The following ARHGAP10 variants were observed in gnomAD, a reference collection of about 807,000 sequenced individuals.
ARHGAP10 encodes the protein Rho GTPase activating protein 10, also known as rho GTPase-activating protein 10.
In ARHGAP10, 87 loss-of-function variants were observed where a neutral mutation model predicts 108.6. The ratio of observed to expected loss-of-function variants is 0.80; its 90% CI spans 0.67 to 0.96. The LOEUF (loss-of-function observed/expected upper bound fraction) is 0.96, where lower values mean the gene tolerates loss of function less well. ARHGAP10 is among the 40% of genes least tolerant of loss of function. ARHGAP10 has a pLI of 0.00. For synonymous variants in ARHGAP10, 347 were observed against 341.1 expected, an observed-to-expected ratio of 1.02 and a Z score of -0.19; for missense variants, 939 against 954.5, an observed-to-expected ratio of 0.98 and a Z score of 0.21.
chr4:148,036,397 C>T (rs1034370092), intron 19 of ARHGAP10, among the ~76,000 whole-genome samples: 12 of 152,046 alleles, frequency 7.9e-5, no homozygotes, highest in Non-Finnish European at 1.6e-4. Flanking sequence ...TCCTATAATC[C>T]CCACGTGTCG....
At chr4:147,811,905 A>C (rs1008412014) in intron 1 of ARHGAP10, among the ~76,000 whole-genome samples, 1 of 152,216 alleles carries the variant, frequency 6.6e-6, no homozygotes, top group East Asian at 1.9e-4. Context: ...GGGCACTTTT[A>C]AAAGTCAAGG....
chr4:147,810,840 G>T (rs1731988131), intron 1 of ARHGAP10, among the ~76,000 whole-genome samples: 1 of 152,150 alleles, frequency 6.6e-6, no homozygotes, highest in Non-Finnish European at 1.5e-5. Context: ...TCATGACAGG[G>T]TCTGTCACTT....
rs974366584 is a variant in ARHGAP10 at position 147,784,266 on chromosome 4, A to G, written c.155-38461A>G. Among the ~76,000 whole-genome samples the G allele has an allele frequency of 1.8e-4, 21 of 117,670 alleles. No homozygotes were observed. The East Asian group carries it at 4.1e-3, about 23-fold the overall frequency. The allele number at this position is 117,670 out of a possible 152,430, so 77.2% of individuals were successfully genotyped here. A position where few individuals can be genotyped will look rare whatever the true frequency, so the allele number is the denominator to read the frequency against. On this transcript the variant is annotated intron_variant, in intron 1 of 22. Coordinates refer to ENST00000336498, the MANE Select transcript of ARHGAP10 (RefSeq NM_024605.4). ...TACATAACATTAAATTGTGTATTAT[A>G]TAATTTACATAACATTAAATTATAT...
intron 19 of ARHGAP10, among the ~76,000 whole-genome samples, chr4:148,045,393 G>T (rs1431148180): frequency 6.6e-6 from 1 of 152,044 alleles, no homozygotes; most frequent in Non-Finnish European, 1.5e-5. Context: ...TGGAGTCTGG[G>T]GAGCTAGCTT....
chr4:147,922,987 A>T (rs189260991), intron 13 of ARHGAP10, among the ~76,000 whole-genome samples: 2 of 152,350 alleles, frequency 1.3e-5, no homozygotes, highest in Admixed American at 1.3e-4. Context: ...AAATACAGGC[A>T]TGCCTTGCAC....
chr4:147,973,344 C>A (rs1739481717), intron 18 of ARHGAP10, among the ~76,000 whole-genome samples: 1 of 152,062 alleles, frequency 6.6e-6, no homozygotes, highest in African/African-American at 2.4e-5. Flanking sequence ...AGGGAATGAA[C>A]CCTCTCAGGA....
At chr4:147,871,156 C>T (rs1734809618) in intron 7 of ARHGAP10, among the ~76,000 whole-genome samples, 1 of 152,112 alleles carries the variant, frequency 6.6e-6, no homozygotes, top group Non-Finnish European at 1.5e-5. Flanking sequence ...GACGGGGTTT[C>T]ACCGTGTTAG....
chr4:147,978,872 T>C (rs1293541524), intron 18 of ARHGAP10, among the ~76,000 whole-genome samples: 1 of 152,258 alleles, frequency 6.6e-6, no homozygotes, highest in Non-Finnish European at 1.5e-5. Context: ...TTTTGAGATG[T>C]GTCTGTTCAT....
intron 13 of ARHGAP10, among the ~76,000 whole-genome samples, chr4:147,924,945 G>C (rs923042454): frequency 6.6e-6 from 1 of 151,708 alleles, no homozygotes; most frequent in Non-Finnish European, 1.5e-5. Context: ...ATTGATTTAA[G>C]GCTCTAGGAG....
At chr4:147,947,087 G>A (rs1738415659) in intron 15 of ARHGAP10, among the ~76,000 whole-genome samples, 1 of 152,076 alleles carries the variant, frequency 6.6e-6, no homozygotes, top group South Asian at 2.1e-4. Flanking sequence ...TTGAACTTAG[G>A]CTTATGACAA....
intron 1 of ARHGAP10, among the ~76,000 whole-genome samples, chr4:147,801,320 A>G (rs1339479809): frequency 2.0e-5 from 3 of 152,188 alleles, no homozygotes; most frequent in African/African-American, 4.8e-5. Flanking sequence ...TAATGAATCC[A>G]CTATTTGTTT....
intron 1 of ARHGAP10, among the ~76,000 whole-genome samples, chr4:147,741,651 CT>C (rs1053089019): frequency 6.6e-6 from 1 of 151,940 alleles, no homozygotes; most frequent in African/African-American, 2.4e-5. Flanking sequence ...CAGGGGGATG[CT>C]TTTGTATTGA....
At chr4:147,799,580 A>G (rs1553951415) in intron 1 of ARHGAP10, among the ~76,000 whole-genome samples, 1 of 151,750 alleles carries the variant, frequency 6.6e-6, no homozygotes, top group Non-Finnish European at 1.5e-5. Flanking sequence ...GATTTTTTTT[A>G]TCCTGTCATT....
At chr4:148,017,652 CTATATATA>C (rs35472561) in intron 18 of ARHGAP10, among the ~76,000 whole-genome samples, 19 of 105,318 alleles carry the variant, frequency 1.8e-4, no homozygotes, top group East Asian at 1.4e-3. Context: ...GAGCCAGTAA[CTATATATA>C]TATATATATA....
chr4:148,048,385 C>CA (rs995951924), intron 20 of ARHGAP10, among the ~76,000 whole-genome samples: 11 of 152,246 alleles, frequency 7.2e-5, no homozygotes, highest in African/African-American at 2.6e-4. Flanking sequence ...TCTGAGACTC[C>CA]AAGTATGGAA....
chr4:147,737,281 G>C (rs1728456723), intron 1 of ARHGAP10, among the ~76,000 whole-genome samples: 1 of 151,666 alleles, frequency 6.6e-6, no homozygotes, highest in South Asian at 2.1e-4. Context: ...CTCCCAAGTA[G>C]CTGGGATTAC....
chr4:147,956,836 C>T (rs899341860), intron 16 of ARHGAP10, among the ~76,000 whole-genome samples: 2 of 151,212 alleles, frequency 1.3e-5, no homozygotes, highest in African/African-American at 4.9e-5. Flanking sequence ...TTTAAATGAC[C>T]ACAATCATTA....
chr4:147,786,311 G>T (rs1730887852), intron 1 of ARHGAP10, among the ~76,000 whole-genome samples: 1 of 152,142 alleles, frequency 6.6e-6, no homozygotes, highest in South Asian at 2.1e-4. Flanking sequence ...TGTTTGTTTT[G>T]TGAATCTGGA....
chr4:148,052,182 A>C (rs1472891990), intron 20 of ARHGAP10, among the ~76,000 whole-genome samples: 2 of 152,016 alleles, frequency 1.3e-5, no homozygotes, highest in East Asian at 3.9e-4. Context: ...GGTGGGAGTC[A>C]CTGGCAAACC....
Sources: allele counts gnomAD v4.1 joint callset (sites outside exome capture counted in the v4.1 genomes callset), GRCh38; gene constraint gnomAD v4.1.1; transcripts MANE v1.5; gene names NCBI Gene and HGNC (gene_info 2026-07-23, HGNC 2026-07-21).